The following TLN2 variants were observed in gnomAD, a reference collection of about 807,000 sequenced individuals.
TLN2 encodes the protein talin 2.
TLN2 carries 118 observed loss-of-function variants against 294.7 expected under a neutral mutation model. That is an observed-to-expected ratio of 0.40 (90% CI 0.34 to 0.47). The LOEUF (loss-of-function observed/expected upper bound fraction) is 0.47. Ranked by LOEUF, TLN2 falls within the 20% of genes least tolerant of loss-of-function variation. The probability of loss-of-function intolerance (pLI) is 0.84; values close to 1 mark genes in which losing one functional copy is unlikely to be tolerated. For missense variants in TLN2, 3,083 were observed against 3,282.2 expected, an observed-to-expected ratio of 0.94 and a Z score of 1.48; for synonymous variants, 1,431 against 1,304.5, an observed-to-expected ratio of 1.10 and a Z score of -2.09.
chr15:62,611,374 G>A (rs1305302057), intron 2 of TLN2, among the ~76,000 whole-genome samples: 1 of 152,130 alleles, frequency 6.6e-6, no homozygotes, highest in Admixed American at 6.5e-5. Flanking sequence ...AGAGTGTCAG[G>A]AGTATGTCCC....
At chr15:62,562,823 A>G (rs958761093) in intron 1 of TLN2, among the ~76,000 whole-genome samples, 4 of 151,394 alleles carry the variant, frequency 2.6e-5, no homozygotes, top group African/African-American at 4.9e-5. Flanking sequence ...GAGTTGCTTC[A>G]TTTAGAATAA....
chr15:62,805,180 T>C (rs575972410), intron 50 of TLN2, among the ~76,000 whole-genome samples: 25 of 152,244 alleles, frequency 1.6e-4, no homozygotes, highest in African/African-American at 4.6e-4. Flanking sequence ...TCCTGAGTGA[T>C]GGGGCCAGGT....
At chr15:62,702,984 G>C (rs937425947) in intron 19 of TLN2, 120 bp downstream of exon 19, 4 of 910,968 alleles carry the variant, frequency 4.4e-6, no homozygotes, top group Admixed American at 2.2e-5. Flanking sequence ...GAATGCGATT[G>C]AGATGGATTA....
intron 2 of TLN2, among the ~76,000 whole-genome samples, chr15:62,599,884 A>G (rs1339095487): frequency 6.6e-6 from 1 of 152,188 alleles, no homozygotes; most frequent in African/African-American, 2.4e-5. Flanking sequence ...GGTGGATTCA[A>G]TACCCTAAAC....
intron 1 of TLN2, among the ~76,000 whole-genome samples, chr15:62,454,802 C>T (rs1021176620): frequency 1.3e-5 from 2 of 152,146 alleles, no homozygotes; most frequent in Admixed American, 6.5e-5. Flanking sequence ...AGAGGAGTGG[C>T]CCAGAGTAGC....
chr15:62,577,103 A>T (rs2044484582), intron 1 of TLN2, among the ~76,000 whole-genome samples: 1 of 152,126 alleles, frequency 6.6e-6, no homozygotes, highest in Non-Finnish European at 1.5e-5. Context: ...ATGAGTAGAG[A>T]ATTTGTTTTC....
intron 3 of TLN2, among the ~76,000 whole-genome samples, chr15:62,643,284 C>T (rs2051360018): frequency 6.6e-6 from 1 of 151,954 alleles, no homozygotes; most frequent in South Asian, 2.1e-4. Context: ...GGCCTTATCT[C>T]AAGCTTGGAA....
In TLN2 at chr15:62,614,929, C is replaced by G. The variant is rs142781938; in HGVS notation, c.-161-3422C>G. Among the ~76,000 whole-genome samples the G allele has an allele frequency of 5.8e-3, 880 of 152,218 alleles. 3 individuals carry two copies. The highest frequency in any genetic ancestry group is 0.01 in the Non-Finnish European group (695 of 68,022). ...CAAGCGATTCTCTAGCCTCAGCCTC[C>G]CGAGTTGCTGGGAATATAGGTGCTC... On this transcript the variant is annotated intron_variant, in intron 2 of 58. Transcript: ENST00000636159.
At chr15:62,784,791 C>T (rs988598158) in intron 45 of TLN2, 2 of 152,154 alleles carry the variant, frequency 1.3e-5, no homozygotes, top group East Asian at 1.9e-4. Flanking sequence ...GTTTATTGAG[C>T]GCAAACCATG....
intron 4 of TLN2, among the ~76,000 whole-genome samples, chr15:62,648,107 G>A (rs951363329): frequency 2.6e-5 from 4 of 151,988 alleles, no homozygotes; most frequent in Non-Finnish European, 4.4e-5. Context: ...GGTGAAAGTC[G>A]GATGAAACTT....
chr15:62,625,797 G>GC (rs1018855929), intron 3 of TLN2, among the ~76,000 whole-genome samples: 11 of 152,198 alleles, frequency 7.2e-5, no homozygotes, highest in Non-Finnish European at 1.0e-4. Flanking sequence ...TTCAGACTGT[G>GC]CTCTGGTGAT....
chr15:62,526,172 C>T (rs549265249), intron 1 of TLN2, among the ~76,000 whole-genome samples: 3 of 152,256 alleles, frequency 2.0e-5, no homozygotes, highest in Admixed American at 1.3e-4. Flanking sequence ...CTCTGTCACC[C>T]AGGCTGGAGT....
intron 1 of TLN2, among the ~76,000 whole-genome samples, chr15:62,449,260 T>C (rs768962014): frequency 1.3e-5 from 2 of 152,104 alleles, no homozygotes; most frequent in Non-Finnish European, 2.9e-5. Flanking sequence ...AATTCCTCCA[T>C]GCGTAGGTCT....
At position 62,638,929 on chromosome 15, in the gene TLN2, C is replaced by T. The variant is rs59534655; in HGVS notation, c.-36-8346C>T. On this transcript the variant is annotated intron_variant, in intron 3 of 58. Coordinates refer to ENST00000636159, the MANE Select transcript of TLN2 (RefSeq NM_015059.3). ...CCATGAAGTTCAGCATCTGTGGTTC[C>T]TGGAGCGGGCTGTTGTTGAGTAGAC... is the stretch of plus-strand genomic sequence containing the variant. Among the ~76,000 whole-genome samples the T allele has an allele frequency of 9.3e-4, 142 of 152,248 alleles. 1 individual carries two copies. The East Asian group carries it at 0.026, about 27-fold the overall frequency.
In TLN2 at chr15:62,569,203, C is replaced by T. The variant is rs554536216; in HGVS notation, c.-237-20484C>T. 4.9e-4 allele frequency among the ~76,000 whole-genome samples: 75 copies of T among 152,338 alleles called. No individual in the cohort carries two copies. In the South Asian group the frequency reaches 0.015, roughly 31 times the overall value. On this transcript the variant is annotated intron_variant, in intron 1 of 58. Coordinates refer to ENST00000636159, the MANE Select transcript of TLN2 (RefSeq NM_015059.3). Reference sequence around the variant, plus strand: ...ACCCACCTGTGTAATCCAGGATGCTCTTCTCTCGATATCCCTAATTACGTC... The same window carrying T: ...ACCCACCTGTGTAATCCAGGATGCTTTTCTCTCGATATCCCTAATTACGTC...
chr15:62,521,302 CA>C (rs1265912797), intron 1 of TLN2, among the ~76,000 whole-genome samples: 1 of 151,852 alleles, frequency 6.6e-6, no homozygotes, highest in African/African-American at 2.4e-5. Flanking sequence ...GTGGGGGGTA[CA>C]GGGGAAAGCC....
intron 29 of TLN2, 91 bp downstream of exon 29, chr15:62,737,177 T>G (rs540208028): frequency 1.5e-6 from 2 of 1,316,410 alleles, no homozygotes; most frequent in Non-Finnish European, 2.1e-6. Flanking sequence ...TTCCCTGATA[T>G]GAACACTGAC....
At chr15:62,480,461 T>G (rs2038020392) in intron 1 of TLN2, among the ~76,000 whole-genome samples, 1 of 152,068 alleles carries the variant, frequency 6.6e-6, no homozygotes, top group Admixed American at 6.6e-5. Flanking sequence ...TGGCCTCAAG[T>G]GATAACAGCC....
intron 28 of TLN2, among the ~76,000 whole-genome samples, chr15:62,736,055 G>C (rs986801834): frequency 6.6e-6 from 1 of 152,204 alleles, no homozygotes; most frequent in African/African-American, 2.4e-5. Flanking sequence ...GCTGACGCCT[G>C]TAATCCCAGC....
Sources: allele counts gnomAD v4.1 joint callset (sites outside exome capture counted in the v4.1 genomes callset), GRCh38; gene constraint gnomAD v4.1.1; transcripts MANE v1.5; gene names NCBI Gene and HGNC (gene_info 2026-07-23, HGNC 2026-07-21).